The following RPTOR variants were observed in gnomAD, a reference collection of about 807,000 sequenced individuals.
RPTOR encodes the protein regulatory associated protein of MTOR complex 1, also known as regulatory-associated protein of mTOR.
RPTOR carries 21 observed loss-of-function variants against 169.9 expected under a neutral mutation model. That is an observed-to-expected ratio of 0.12 (90% CI 0.09 to 0.18). RPTOR has a LOEUF of 0.18. Ranked by LOEUF, RPTOR falls within the 10% of genes least tolerant of loss-of-function variation. The pLI is 1.00. For synonymous variants in RPTOR, 732 were observed against 753.2 expected, an observed-to-expected ratio of 0.97 and a Z score of 0.46; for missense variants, 1,133 against 1,855.9, an observed-to-expected ratio of 0.61 and a Z score of 7.16.
At chr17:80,547,285 G>T (rs1222747248) in intron 1 of RPTOR, among the ~76,000 whole-genome samples, 2 of 152,138 alleles carry the variant, frequency 1.3e-5, no homozygotes, top group Non-Finnish European at 2.9e-5. Context: ...AGCTTTTGTG[G>T]TTGCTATACA....
chr17:80,959,990 G>A lies in RPTOR; in HGVS notation c.3478-88G>A. 3.3e-6 allele frequency: 5 copies of A among 1,524,200 alleles called. No individual in the cohort carries two copies. Among genetic ancestry groups the A allele is most frequent in the Middle Eastern group, 2.3e-4 (1 of 4,432 alleles). The allele number at this position is 1,524,200 out of a possible 1,614,324, so 94.4% of individuals were successfully genotyped here. A position where few individuals can be genotyped will look rare whatever the true frequency, so the allele number is the denominator to read the frequency against. Reference sequence around the variant, plus strand: ...GAGGGTGATCCCCACAGCCAGGCAGGCAGCAAGAGGGGTCCTGGCGCTGCA... The same window carrying A: ...GAGGGTGATCCCCACAGCCAGGCAGACAGCAAGAGGGGTCCTGGCGCTGCA... On this transcript the variant is annotated intron_variant, in intron 29 of 33. Coordinates refer to ENST00000306801, the MANE Select transcript of RPTOR (RefSeq NM_020761.3). The surrounding 1 kb of genome is among the most constrained non-coding windows in gnomAD (Gnocchi z 6.7).
At chr17:80,603,000 A>G in intron 1 of RPTOR, 1 of 294,456 alleles carries the variant, frequency 3.4e-6, no homozygotes, top group Non-Finnish European at 6.5e-6. Context: ...ATCATCCCAG[A>G]TGGGTTCTTT....
chr17:80,787,968 A>T (rs576682890), intron 6 of RPTOR, among the ~76,000 whole-genome samples: 1 of 152,146 alleles, frequency 6.6e-6, no homozygotes, highest in Non-Finnish European at 1.5e-5. Flanking sequence ...GTGTGTCATC[A>T]TTACTTCATA....
intron 1 of RPTOR, among the ~76,000 whole-genome samples, chr17:80,606,770 C>G (rs1341517407): frequency 6.6e-6 from 1 of 151,450 alleles, no homozygotes; most frequent in Non-Finnish European, 1.5e-5. Flanking sequence ...CCTACCTACC[C>G]TTCCGTCTGG....
rs556572128 is a variant in RPTOR, at chr17:80,763,950, T to A, written c.830+9765T>A. ...TTGACATTAATCCCAATAACTAATC[T>A]CTTTATACATATTGTTTCATCCTGA... On this transcript the variant is annotated intron_variant, in intron 6 of 33. Coordinates refer to ENST00000306801, the MANE Select transcript of RPTOR (RefSeq NM_020761.3). Among the ~76,000 whole-genome samples, 40 of 152,132 alleles carry A rather than the reference T, an allele frequency of 2.6e-4. 1 individual carries two copies. In the East Asian group the frequency reaches 6.6e-3, roughly 25 times the overall value.
At chr17:80,564,718 C>CT (rs917195790) in intron 1 of RPTOR, among the ~76,000 whole-genome samples, 24 of 150,622 alleles carry the variant, frequency 1.6e-4, no homozygotes, top group African/African-American at 2.4e-4. Flanking sequence ...TACCCAATAG[C>CT]TTTTTTTTTC....
At chr17:80,808,250 C>T (rs2067239290) in intron 7 of RPTOR, among the ~76,000 whole-genome samples, 1 of 152,078 alleles carries the variant, frequency 6.6e-6, no homozygotes, top group African/African-American at 2.4e-5. Context: ...CATAGCAAGA[C>T]CCCAGCTCTA....
At position 80,959,623 on chromosome 17, in the gene RPTOR, C is replaced by T. The variant is rs905274305; in HGVS notation, c.3478-455C>T. On this transcript the variant is annotated intron_variant, in intron 29 of 33. Transcript: ENST00000306801. This position sits in a 1 kb window ranked among gnomAD's most constrained non-coding sequence, Gnocchi z 6.7. ...GGAGCCAGATGACCCCTCCTGGACT[C>T]GTCCCATAGCTCATTAGAAGTTCTG... Among the ~76,000 whole-genome samples, 17 of 152,216 alleles carry T rather than the reference C, an allele frequency of 1.1e-4. No individual in the cohort carries two copies. Among genetic ancestry groups the T allele is most frequent in the African/African-American group, 4.1e-4 (17 of 41,462 alleles).
chr17:80,930,293 G>T (rs1234319111), intron 24 of RPTOR, among the ~76,000 whole-genome samples: 8 of 67,314 alleles, frequency 1.2e-4, no homozygotes, highest in African/African-American at 5.4e-5. Context: ...CTCATCCTTA[G>T]CTCATCTTCA....
intron 17 of RPTOR, among the ~76,000 whole-genome samples, chr17:80,889,130 C>T (rs74004030): frequency 0.014 from 2,195 of 152,336 alleles, 55 homozygotes; most frequent in African/African-American, 0.05. Context: ...GGAAGAGGCA[C>T]CAGCACTTTG....
chr17:80,566,764 CAG>C (rs2064846068), intron 1 of RPTOR, among the ~76,000 whole-genome samples: 1 of 130,870 alleles, frequency 7.6e-6, no homozygotes, highest in Non-Finnish European at 1.5e-5. Flanking sequence ...GCGGAGCTTG[CAG>C]TGAGCCAAGA....
intron 28 of RPTOR, among the ~76,000 whole-genome samples, chr17:80,951,540 G>A (rs1302944838): frequency 6.6e-6 from 1 of 152,198 alleles, no homozygotes; most frequent in Non-Finnish European, 1.5e-5. Context: ...CTGTGGGCTG[G>A]GGCACCAGGC....
intron 1 of RPTOR, among the ~76,000 whole-genome samples, chr17:80,548,658 C>G (rs2084308516): frequency 1.3e-5 from 2 of 152,040 alleles, no homozygotes; most frequent in South Asian, 4.2e-4. Flanking sequence ...CAGGTGTGAG[C>G]CACAGCACCT....
Position 80,730,587 on chromosome 17 carries a change from A to C in RPTOR, c.535A>C (p.Ile179Leu). ...KNYTQYIPLSIYDLQTWMGSP... is the reference protein window; with the variant it reads ...KNYTQYIPLSLYDLQTWMGSP... ...CTACACGCAGTACATCCCTCTGTCC[A>C]TATATGACCTGCAGACGTGGATGGG... Residue 179 changes from isoleucine to leucine, a missense_variant, in exon 5 of 34, where the codon ATA becomes CTA. By Grantham distance (5) the Ile-to-Leu change is conservative (BLOSUM62 2). Coordinates refer to ENST00000306801, the MANE Select transcript of RPTOR (RefSeq NM_020761.3). This position sits in a 1 kb window ranked among gnomAD's most constrained non-coding sequence, Gnocchi z 4.2. 6.2e-7 allele frequency: 1 copy of C among 1,614,158 alleles called. No individual in the cohort carries two copies. The highest frequency in any genetic ancestry group is 8.5e-7 in the Non-Finnish European group (1 of 1,180,026).
At chr17:80,552,613 A>G (rs1212289259) in intron 1 of RPTOR, among the ~76,000 whole-genome samples, 1 of 152,276 alleles carries the variant, frequency 6.6e-6, no homozygotes, top group Admixed American at 6.5e-5. Context: ...ATACTGATAC[A>G]AAATGGATAG....
At chr17:80,684,060 A>C (rs2065917475) in intron 3 of RPTOR, among the ~76,000 whole-genome samples, 1 of 152,178 alleles carries the variant, frequency 6.6e-6, no homozygotes, top group African/African-American at 2.4e-5. Context: ...TGAATTCACT[A>C]TCTGTTCCCA....
At chr17:80,905,365 T>C (rs1420439387) in intron 20 of RPTOR, among the ~76,000 whole-genome samples, 2 of 150,044 alleles carry the variant, frequency 1.3e-5, no homozygotes, top group Admixed American at 1.3e-4. Flanking sequence ...GGCAGGTGGA[T>C]CACGAGGTCA....
chr17:80,612,890 T>C (rs1250364835), intron 1 of RPTOR, among the ~76,000 whole-genome samples: 1 of 152,140 alleles, frequency 6.6e-6, no homozygotes, highest in Non-Finnish European at 1.5e-5. Context: ...ACAAAACTTT[T>C]GTCAAAGATG....
chr17:80,705,699 T>G (rs983096544), intron 3 of RPTOR, among the ~76,000 whole-genome samples: 18 of 152,176 alleles, frequency 1.2e-4, no homozygotes, highest in Non-Finnish European at 2.4e-4. Context: ...TTTATTTTCT[T>G]TATTTTTATT....
Sources: allele counts gnomAD v4.1 joint callset (sites outside exome capture counted in the v4.1 genomes callset), GRCh38; gene constraint gnomAD v4.1.1; non-coding constraint Gnocchi (gnomAD v3.1); transcripts MANE v1.5; gene names NCBI Gene and HGNC (gene_info 2026-07-23, HGNC 2026-07-21).